IL16: variants seen among roughly 807,000 people sequenced by gnomAD.
IL16 encodes the protein pro-interleukin-16.
A neutral mutation model predicts 110.1 loss-of-function variants in IL16; 67 were observed. The ratio of observed to expected loss-of-function variants is 0.61; its 90% CI spans 0.50 to 0.75. The LOEUF (loss-of-function observed/expected upper bound fraction) is 0.75, where lower values mean the gene tolerates loss of function less well. Among genes scored for constraint, IL16 ranks in the 30% least tolerant of loss-of-function variants. IL16 has a pLI of 0.00. For synonymous variants in IL16, 689 were observed against 662.9 expected (o/e 1.04, Z -0.61); for missense variants, 1,545 against 1,655.0 (o/e 0.93, Z 1.15).
Position 81,312,038 on chromosome 15 carries a change from TGAAAACATTTTGC to T in IL16, c.*3242_*3254del, listed in dbSNP as rs1292253924. ...GGAGGAGCAAAGGCTGAGAACACTG[TGAAAACATTTTGC>T]GCGCACAATAGTAACCTGGGTAAAT... is the stretch of plus-strand genomic sequence containing the variant. On this transcript the variant is annotated 3_prime_UTR_variant, in exon 19 of 19. Coordinates refer to ENST00000683961, the MANE Select transcript of IL16 (RefSeq NM_172217.5). The T allele has an allele frequency of 6.6e-6, 1 of 152,124 alleles. No homozygotes were observed. The highest frequency in any genetic ancestry group is 1.5e-5 in the Non-Finnish European group (1 of 67,984). 9.4% of individuals were successfully genotyped at this position (152,124 alleles called of 1,614,324 possible). A position where few individuals can be genotyped will look rare whatever the true frequency, so the allele number is the denominator to read the frequency against.
At chr15:81,213,054 C>T (rs1217198442) in intron 1 of IL16, among the ~76,000 whole-genome samples, 1 of 152,134 alleles carries the variant, frequency 6.6e-6, no homozygotes, top group South Asian at 2.1e-4. Flanking sequence ...ACTACTTTAG[C>T]TGCATCCCAG....
intron 6 of IL16, among the ~76,000 whole-genome samples, chr15:81,276,255 C>T (rs886725601): frequency 1.3e-5 from 2 of 152,250 alleles, no homozygotes; most frequent in African/African-American, 4.8e-5. Context: ...CCTCCAGCCC[C>T]TGTTTCCAAT....
At chr15:81,193,661 G>A (rs1317571176), upstream of IL16, among the ~76,000 whole-genome samples, 2 of 152,180 alleles carry the variant, frequency 1.3e-5, no homozygotes, top group African/African-American at 4.8e-5. Context: ...ATATGTTGCT[G>A]TGGGCCAGGG....
intron 2 of IL16, among the ~76,000 whole-genome samples, chr15:81,257,189 G>A (rs1250795718): frequency 1.3e-5 from 2 of 152,210 alleles, no homozygotes; most frequent in Non-Finnish European, 2.9e-5. Context: ...CTGAAAAGGA[G>A]TCCTTCAGGA....
intron 4 of IL16, among the ~76,000 whole-genome samples, chr15:81,267,503 C>CAT (rs1898443832): frequency 5.9e-5 from 7 of 118,678 alleles, no homozygotes; most frequent in Admixed American, 5.4e-4. Context: ...CACACACACA[C>CAT]ACAGAGAGAG....
intron 9 of IL16, among the ~76,000 whole-genome samples, chr15:81,283,512 G>A (rs752571048): frequency 5.9e-5 from 9 of 152,212 alleles, no homozygotes; most frequent in Non-Finnish European, 1.0e-4. Context: ...CCTGCTGAAC[G>A]AGGACCTGCA....
chr15:81,228,793 G>T (rs1255319604), intron 2 of IL16, among the ~76,000 whole-genome samples: 1 of 152,166 alleles, frequency 6.6e-6, no homozygotes, highest in East Asian at 1.9e-4. Flanking sequence ...ACAGGGGTTA[G>T]GTGTGTGGGC....
At chr15:81,305,860 G>A (rs945098507) in intron 16 of IL16, 48 bp from the exon 17 acceptor site, 2 of 1,599,316 alleles carry the variant, frequency 1.3e-6, no homozygotes, top group African/African-American at 1.3e-5. Context: ...CAAGTATGTG[G>A]ACTGGACTTG....
At position 81,297,042 on chromosome 15, in the gene IL16, A is replaced by G; in HGVS notation, c.2017A>G (p.Thr673Ala). 5 of 1,613,962 alleles carry G rather than the reference A, an allele frequency of 3.1e-6. No homozygotes were observed. Among genetic ancestry groups the G allele is most frequent in the Non-Finnish European group, 3.4e-6 (4 of 1,179,954 alleles). The change falls in exon 13 of 19, where the codon ACA (threonine) becomes GCA (alanine). Residue 673 changes from threonine (T) to alanine (A), a missense_variant. Thr to Ala is a moderately conservative substitution (Grantham distance 58). This residue lies in a region of IL16 where 1,185 missense variants were observed against 1,238.8 expected (regional missense o/e 0.96). Transcript: ENST00000683961. ...TATCGGCCCACAGACCAAGTCCTCC[A>G]CAGAGGGCGAGCCAGGGTGGAGAAG... The part of the protein sequence containing the change: ...PGIGPQTKSS[T>A]EGEPGWRRAS...
chr15:81,190,355 A>G (rs1895480878), intron 1 of IL16, among the ~76,000 whole-genome samples: 1 of 152,184 alleles, frequency 6.6e-6, no homozygotes, highest in Non-Finnish European at 1.5e-5. Context: ...CACCCATGTG[A>G]TAGGGCTGAA....
At chr15:81,247,085 T>C (rs1247586944) in intron 2 of IL16, among the ~76,000 whole-genome samples, 47 of 147,738 alleles carry the variant, frequency 3.2e-4, no homozygotes, top group Admixed American at 1.0e-3. Flanking sequence ...CCTTTTTTTT[T>C]TTTTTTTTTT....
At chr15:81,215,784 A>G (rs1389942851) in intron 1 of IL16, among the ~76,000 whole-genome samples, 1 of 152,078 alleles carries the variant, frequency 6.6e-6, no homozygotes, top group East Asian at 1.9e-4. Context: ...ATCCTCCCTC[A>G]CTCAAGTGCC....
chr15:81,257,789 G>C (rs1596000682), intron 2 of IL16, among the ~76,000 whole-genome samples: 1 of 152,192 alleles, frequency 6.6e-6, no homozygotes, highest in South Asian at 2.1e-4. Flanking sequence ...AGTTAGGATA[G>C]AGTTATAATA....
At chr15:81,297,910 A>G (rs1900071636) in intron 13 of IL16, among the ~76,000 whole-genome samples, 1 of 152,216 alleles carries the variant, frequency 6.6e-6, no homozygotes, top group African/African-American at 2.4e-5. Flanking sequence ...CACTACAGAA[A>G]AGCTCATGAA....
chr15:81,240,257 C>T (rs1004417413), intron 2 of IL16, among the ~76,000 whole-genome samples: 2 of 151,974 alleles, frequency 1.3e-5, no homozygotes, highest in Admixed American at 6.6e-5. Flanking sequence ...TATTGGTGGA[C>T]GTTTGAGATA....
chr15:81,261,692 C>T (rs971825394), intron 3 of IL16, among the ~76,000 whole-genome samples: 1 of 152,126 alleles, frequency 6.6e-6, no homozygotes, highest in African/African-American at 2.4e-5. Context: ...GGCTCCTTTA[C>T]CCAATTCTCA....
At position 81,197,020 on chromosome 15, in the gene IL16, GC is replaced by G; in HGVS notation, c.-233del. ...AGCGTCCATTTCTCAATCCTTGCCG[GC>G]TCTGACCCAGGCCTGGGCCACAGGC... On this transcript the variant is annotated 5_prime_UTR_variant, in exon 1 of 19. Coordinates refer to ENST00000683961, the MANE Select transcript of IL16 (RefSeq NM_172217.5). 2 of 1,287,506 alleles carry G rather than the reference GC, an allele frequency of 1.6e-6. No homozygotes were observed. The highest frequency in any genetic ancestry group is 4.6e-5 in the Admixed American group (2 of 43,198). 79.8% of individuals were successfully genotyped at this position (1,287,506 alleles called of 1,614,324 possible). A position where few individuals can be genotyped will look rare whatever the true frequency, so the allele number is the denominator to read the frequency against.
chr15:81,230,150 C>G (rs1415000430), intron 2 of IL16, among the ~76,000 whole-genome samples: 22 of 152,148 alleles, frequency 1.4e-4, no homozygotes, highest in Non-Finnish European at 2.5e-4. Context: ...AGCTTCTAGA[C>G]CCCTGGAGAT....
chr15:81,267,505 C>CAGAG (rs543367429), intron 4 of IL16, among the ~76,000 whole-genome samples: 5 of 136,316 alleles, frequency 3.7e-5, no homozygotes, highest in African/African-American at 1.4e-4. Context: ...CACACACACA[C>CAGAG]AGAGAGAGCG....
Sources: allele counts gnomAD v4.1 joint callset (sites outside exome capture counted in the v4.1 genomes callset), GRCh38; gene constraint gnomAD v4.1.1; regional missense constraint gnomAD v4.1.1; transcripts MANE v1.5; gene names NCBI Gene and HGNC (gene_info 2026-07-23, HGNC 2026-07-21).